ZSCAN25: variants seen among roughly 807,000 people sequenced by gnomAD.
The protein encoded by ZSCAN25 is zinc finger and SCAN domain-containing protein 25.
A neutral mutation model predicts 38.7 loss-of-function variants in ZSCAN25; 27 were observed. That is an observed-to-expected ratio of 0.70 (90% CI 0.51 to 0.96). The LOEUF is 0.96. Ranked by LOEUF, ZSCAN25 falls within the 40% of genes least tolerant of loss-of-function variation. The probability of loss-of-function intolerance (pLI) is 0.00; values close to 1 mark genes in which losing one functional copy is unlikely to be tolerated. For missense variants in ZSCAN25, 637 were observed against 705.9 expected (o/e 0.90, Z 1.11); for synonymous variants, 273 against 277.7 (o/e 0.98, Z 0.17).
the ZSCAN25 span, chr7:99,708,031 A>G: frequency 1.9e-6 from 3 of 1,612,332 alleles, no homozygotes; most frequent in Non-Finnish European, 2.5e-6. Flanking sequence ...TCTAAGAGTT[A>G]CATGTTAGGG....
the ZSCAN25 span, chr7:99,715,972 A>C: frequency 6.2e-7 from 1 of 1,611,416 alleles, no homozygotes. Context: ...CTATGCGTGC[A>C]GCAGGAAATC....
the ZSCAN25 span, chr7:99,713,538 A>G: frequency 6.2e-7 from 1 of 1,613,342 alleles, no homozygotes; most frequent in Non-Finnish European, 8.5e-7. Context: ...ACTCGGTGCT[A>G]GAAGCAAAAA....
At chr7:99,679,508 A>G in the ZSCAN25 span, among the ~76,000 whole-genome samples, 1 of 152,192 alleles carries the variant, frequency 6.6e-6, no homozygotes, top group Non-Finnish European at 1.5e-5. Context: ...CATGATCAGC[A>G]GTTTGTAATC....
At chr7:99,706,493 A>G in the ZSCAN25 span, among the ~76,000 whole-genome samples, 1 of 152,220 alleles carries the variant, frequency 6.6e-6, no homozygotes, top group Non-Finnish European at 1.5e-5. Context: ...TTCCTCTTCT[A>G]TGTAGAAAGC....
the ZSCAN25 span, chr7:99,648,477 A>T: frequency 1.8e-6 from 2 of 1,133,490 alleles, no homozygotes; most frequent in Non-Finnish European, 2.5e-6. Flanking sequence ...AGTAGAAAAA[A>T]TATGACAAAA....
chr7:99,725,141 CTAAAGGAAACTACCCAAGG>C, the ZSCAN25 span, among the ~76,000 whole-genome samples: 1 of 152,124 alleles, frequency 6.6e-6, no homozygotes, highest in South Asian at 2.1e-4. Context: ...TTATGACAAG[CTAAAGGAAACTACCCAAGG>C]TAAAGATGAA....
the ZSCAN25 span, among the ~76,000 whole-genome samples, chr7:99,688,790 A>G: frequency 6.6e-6 from 1 of 152,242 alleles, no homozygotes; most frequent in Non-Finnish European, 1.5e-5. Flanking sequence ...CAGCAAATGT[A>G]AAAGAACAGA....
At chr7:99,711,187 A>C in the ZSCAN25 span, among the ~76,000 whole-genome samples, 2 of 152,204 alleles carry the variant, frequency 1.3e-5, no homozygotes, top group Non-Finnish European at 1.5e-5. Context: ...ACATTTCTGC[A>C]TAACATACTC....
the ZSCAN25 span, chr7:99,665,363 C>T: frequency 1.2e-6 from 2 of 1,608,488 alleles, no homozygotes; most frequent in African/African-American, 1.3e-5. Flanking sequence ...TCTTACCGTC[C>T]TTCCACTATA....
At chr7:99,729,261 A>C in the ZSCAN25 span, among the ~76,000 whole-genome samples, 1 of 152,134 alleles carries the variant, frequency 6.6e-6, no homozygotes. Context: ...TCTATACAAC[A>C]AATATTACTT....
At chr7:99,694,477 A>G in the ZSCAN25 span, among the ~76,000 whole-genome samples, 1 of 152,214 alleles carries the variant, frequency 6.6e-6, no homozygotes, top group Non-Finnish European at 1.5e-5. Context: ...GCAAATTACA[A>G]CACTTGCTCA....
the ZSCAN25 span, among the ~76,000 whole-genome samples, chr7:99,726,683 A>G: frequency 6.6e-6 from 1 of 152,166 alleles, no homozygotes; most frequent in African/African-American, 2.4e-5. Flanking sequence ...CTCATGATTT[A>G]CTTTCTTCCC....
chr7:99,673,287 G>A, the ZSCAN25 span, among the ~76,000 whole-genome samples: 1 of 152,170 alleles, frequency 6.6e-6, no homozygotes. Context: ...AAGAGGCAAA[G>A]CTTTCTCCCA....
At chr7:99,648,661 C>T in the ZSCAN25 span, among the ~76,000 whole-genome samples, 9 of 147,696 alleles carry the variant, frequency 6.1e-5, 1 homozygote, top group East Asian at 1.8e-3. Flanking sequence ...CTTGTGGACT[C>T]GTGTTTTTTT....
the ZSCAN25 span, among the ~76,000 whole-genome samples, chr7:99,701,806 T>C: frequency 6.6e-6 from 1 of 152,258 alleles, no homozygotes; most frequent in Non-Finnish European, 1.5e-5. Context: ...TTGAATTTTT[T>C]CCAAAGAGTT....
the ZSCAN25 span, among the ~76,000 whole-genome samples, chr7:99,667,390 C>T: frequency 1.1e-4 from 16 of 152,162 alleles, no homozygotes; most frequent in Admixed American, 3.3e-4. Context: ...CCTAGCCCTT[C>T]CCCAGGAGTG....
At chr7:99,662,356 C>G in the ZSCAN25 span, among the ~76,000 whole-genome samples, 8 of 152,118 alleles carry the variant, frequency 5.3e-5, no homozygotes, top group Non-Finnish European at 1.0e-4. The surrounding 1 kb of genome is among the most constrained non-coding windows in gnomAD (Gnocchi z 4.3). Context: ...GAGGTGTCCC[C>G]CATTAGTTAC....
chr7:99,717,119 G>A, the ZSCAN25 span: 3 of 1,605,606 alleles, frequency 1.9e-6, no homozygotes, highest in South Asian at 1.1e-5. Context: ...CAGCTCCATA[G>A]CAGGCAGCTG....
chr7:99,724,708 C>G, the ZSCAN25 span, among the ~76,000 whole-genome samples: 1 of 152,264 alleles, frequency 6.6e-6, no homozygotes, highest in South Asian at 2.1e-4. Context: ...CCTCCACCTG[C>G]CCAACAATTT....
Sources: gnomAD v4.1 joint callset for allele counts (sites outside exome capture counted in the v4.1 genomes callset) on GRCh38, gnomAD v4.1.1 for gene constraint, Gnocchi (gnomAD v3.1) non-coding constraint, MANE v1.5 for transcripts, NCBI Gene and HGNC (gene_info 2026-07-23, HGNC 2026-07-21) for gene names.